Variants in OSTF1 observed in about 807,000 individuals in gnomAD.
OSTF1 encodes osteoclast-stimulating factor 1.
Under a neutral mutation model 37.2 loss-of-function variants are expected in OSTF1, and 27 were observed. The observed-to-expected ratio is 0.73, with a 90% CI of 0.54 to 1.00. The LOEUF (loss-of-function observed/expected upper bound fraction) is 1.00. Among genes scored for constraint, OSTF1 ranks in the 50% least tolerant of loss-of-function variants. The pLI, the probability that OSTF1 is intolerant of heterozygous loss-of-function variation, is 0.00. For missense variants in OSTF1, 232 were observed against 253.8 expected (o/e 0.91, Z 0.58); for synonymous variants, 82 against 89.2 (o/e 0.92, Z 0.46).
intron 1 of OSTF1, among the ~76,000 whole-genome samples, chr9:75,097,948 C>T (rs1303841901): frequency 1.3e-5 from 2 of 151,174 alleles, no homozygotes; most frequent in East Asian, 1.9e-4. Context: ...ACCTCTGCTT[C>T]CTGGGCTCAA....
At chr9:75,103,914 T>C (rs1400416880) in intron 1 of OSTF1, among the ~76,000 whole-genome samples, 1 of 152,144 alleles carries the variant, frequency 6.6e-6, no homozygotes, top group Non-Finnish European at 1.5e-5. Context: ...AGATTACAGG[T>C]GTGAGCTTTG....
intron 1 of OSTF1, among the ~76,000 whole-genome samples, chr9:75,098,770 A>G (rs1158478386): frequency 6.6e-6 from 1 of 152,202 alleles, no homozygotes; most frequent in Non-Finnish European, 1.5e-5. Flanking sequence ...GATTTAAATT[A>G]AGACCTTGCT....
At chr9:75,136,844 C>T (rs1404988811) in intron 7 of OSTF1, among the ~76,000 whole-genome samples, 1 of 152,172 alleles carries the variant, frequency 6.6e-6, no homozygotes, top group Non-Finnish European at 1.5e-5. Flanking sequence ...CCTTCCCTTC[C>T]CTGCACATGG....
At chr9:75,130,279 A>G (rs956818478) in intron 3 of OSTF1, among the ~76,000 whole-genome samples, 9 of 152,250 alleles carry the variant, frequency 5.9e-5, no homozygotes, top group Admixed American at 2.0e-4. Flanking sequence ...AAAAAATCAT[A>G]TAGCTAGTCT....
At chr9:75,113,264 G>A (rs1420261918) in intron 1 of OSTF1, among the ~76,000 whole-genome samples, 3 of 152,120 alleles carry the variant, frequency 2.0e-5, no homozygotes, top group African/African-American at 4.8e-5. Context: ...CGTAATGAAT[G>A]TAAACAGTAA....
chr9:75,130,639 A>G lies in OSTF1; in HGVS notation c.194A>G (p.Tyr65Cys), dbSNP rs748981222. 11 of 1,603,580 alleles carry G rather than the reference A, an allele frequency of 6.9e-6. No individual in the cohort carries two copies. Among genetic ancestry groups the G allele is most frequent in the Non-Finnish European group, 9.4e-6 (11 of 1,170,534 alleles). ...KGRTGLIPSN[Y>C]VAEQAESIDN... Reference sequence around the variant, plus strand: ...AGGACTGGACTAATTCCAAGCAACTATGGTAAGTGTTGCTGAGTGGTTTTA... The same window carrying G: ...AGGACTGGACTAATTCCAAGCAACTGTGGTAAGTGTTGCTGAGTGGTTTTA... The change falls in exon 4 of 10, where the codon TAT (tyrosine) becomes TGT (cysteine). Residue 65 changes from tyrosine to cysteine, a missense_variant and splice_region_variant. Physicochemically the swap from Tyr to Cys is radical, Grantham distance 194. Transcript: ENST00000346234.
intron 1 of OSTF1, among the ~76,000 whole-genome samples, chr9:75,101,455 G>A (rs943829120): frequency 4.6e-5 from 7 of 152,194 alleles, no homozygotes; most frequent in Non-Finnish European, 2.9e-5. Flanking sequence ...CAGCTTGTTA[G>A]TTTCTCATAG....
chr9:75,129,108 A>G (rs2118573502), intron 3 of OSTF1, among the ~76,000 whole-genome samples: 1 of 152,288 alleles, frequency 6.6e-6, no homozygotes, highest in Non-Finnish European at 1.5e-5. Context: ...TTGGGAACGA[A>G]CTTGAAGAGA....
intron 7 of OSTF1, among the ~76,000 whole-genome samples, chr9:75,134,949 A>G (rs1260294493): frequency 6.6e-6 from 1 of 152,138 alleles, no homozygotes; most frequent in African/African-American, 2.4e-5. Flanking sequence ...CAGTCTTGAT[A>G]TATAATACTT....
At chr9:75,145,177 A>AATCT (rs1554774951) in intron 9 of OSTF1, among the ~76,000 whole-genome samples, 25,893 of 148,932 alleles carry the variant, frequency 0.17, 2,841 homozygotes, top group African/African-American at 0.32. Context: ...CTATCTATCT[A>AATCT]ATCTATCTAT....
chr9:75,120,768 A>C lies in OSTF1; in HGVS notation c.81+3218A>C, dbSNP rs149296494. 3.9e-5 allele frequency among the ~76,000 whole-genome samples: 6 copies of C among 152,282 alleles called. No homozygotes were observed. The East Asian group carries it at 1.2e-3, about 29-fold the overall frequency. ...TTTGACTAAAGATGTCATCCTATAT[A>C]GTCCAGCCCCTATTCCAGCCCCGCT... On this transcript the variant is annotated intron_variant, in intron 2 of 9. Transcript: ENST00000346234.
chr9:75,104,301 T>A (rs1308414412), intron 1 of OSTF1, among the ~76,000 whole-genome samples: 1 of 151,950 alleles, frequency 6.6e-6, no homozygotes, highest in Non-Finnish European at 1.5e-5. Context: ...TCCCAGGGCT[T>A]TGGAAGGACA....
chr9:75,105,617 G>T, intron 1 of OSTF1, among the ~76,000 whole-genome samples: 1 of 151,600 alleles, frequency 6.6e-6, no homozygotes, highest in Middle Eastern at 3.4e-3. Flanking sequence ...TGCCTTTTGC[G>T]GAGGTGGCAT....
rs562548661 is a variant in OSTF1 at position 75,126,524 on chromosome 9, T to C, written c.82-1045T>C. On this transcript the variant is annotated intron_variant, in intron 2 of 9. Transcript: ENST00000346234. ...AGTCATGGTAAGTGTTATCTACTGA[T>C]GGTCAAAAGATGTTTAAAATGTGTA... Among the ~76,000 whole-genome samples the C allele has an allele frequency of 4.6e-5, 7 of 152,364 alleles. No individual in the cohort carries two copies. In the South Asian group the frequency reaches 1.0e-3, roughly 23 times the overall value.
At chr9:75,094,916 C>T (rs573019191) in intron 1 of OSTF1, among the ~76,000 whole-genome samples, 29 of 152,198 alleles carry the variant, frequency 1.9e-4, no homozygotes, top group African/African-American at 7.0e-4. Flanking sequence ...CTTGGTGGTG[C>T]GTGTTTGTAG....
At chr9:75,134,259 ATC>A (rs1054928649) in intron 6 of OSTF1, 85 bp from the exon 7 acceptor site, 2 of 564,900 alleles carry the variant, frequency 3.5e-6, no homozygotes, top group Non-Finnish European at 6.4e-6. Flanking sequence ...CTTCTGAAGA[ATC>A]TCTCTTTTAT....
chr9:75,129,778 A>G (rs577538875), intron 3 of OSTF1, among the ~76,000 whole-genome samples: 89 of 152,372 alleles, frequency 5.8e-4, no homozygotes, highest in African/African-American at 2.0e-3. Context: ...CTATAGATTA[A>G]AAGATACTTA....
chr9:75,107,383 G>A (rs1372290886), intron 1 of OSTF1, among the ~76,000 whole-genome samples: 1 of 152,010 alleles, frequency 6.6e-6, no homozygotes, highest in African/African-American at 2.4e-5. Context: ...AATGCTCCCT[G>A]CATGTTCTTA....
At chr9:75,115,447 A>G (rs759118266) in intron 1 of OSTF1, among the ~76,000 whole-genome samples, 58 of 152,054 alleles carry the variant, frequency 3.8e-4, no homozygotes, top group Admixed American at 8.5e-4. Flanking sequence ...GCACGCCATC[A>G]TGCCCGGCAA....
Sources: allele counts gnomAD v4.1 joint callset (sites outside exome capture counted in the v4.1 genomes callset), GRCh38; gene constraint gnomAD v4.1.1; transcripts MANE v1.5; gene names NCBI Gene and HGNC (gene_info 2026-07-23, HGNC 2026-07-21).